Variants in IFT74 observed in about 807,000 individuals in gnomAD.
The protein encoded by IFT74 is intraflagellar transport protein 74 homolog.
In IFT74, 92 loss-of-function variants were observed where a neutral mutation model predicts 96.7. The observed-to-expected ratio is 0.95, with a 90% CI of 0.80 to 1.13. The LOEUF (loss-of-function observed/expected upper bound fraction) is 1.13. Ranked by LOEUF, IFT74 falls within the 50% of genes most tolerant of loss-of-function variation. IFT74 has a pLI of 0.00. For synonymous variants in IFT74, 223 were observed against 213.2 expected (o/e 1.05, Z -0.40); for missense variants, 811 against 698.2 (o/e 1.16, Z -1.82).
At chr9:27,028,921 G>A in intron 12 of IFT74, 104 bp from the exon 13 acceptor site, 1 of 969,166 alleles carries the variant, frequency 1.0e-6, no homozygotes, top group Non-Finnish European at 1.5e-6. Context: ...ATTATTTTTA[G>A]ATATTGTTTA....
chr9:27,045,529 C>T (rs186525565), intron 14 of IFT74, among the ~76,000 whole-genome samples: 2 of 152,032 alleles, frequency 1.3e-5, no homozygotes, highest in Non-Finnish European at 2.9e-5. Context: ...TTTTTTCTAT[C>T]ACCAGCTATA....
At chr9:26,978,642 A>G (rs1421726894) in intron 3 of IFT74, among the ~76,000 whole-genome samples, 1 of 152,196 alleles carries the variant, frequency 6.6e-6, no homozygotes, top group African/African-American at 2.4e-5. Flanking sequence ...TCAAGATTGA[A>G]AATTAGATTT....
chr9:27,030,387 C>G (rs1830064805), intron 13 of IFT74, among the ~76,000 whole-genome samples: 1 of 151,750 alleles, frequency 6.6e-6, no homozygotes, highest in African/African-American at 2.4e-5. Context: ...GCCACTACAT[C>G]CAGCTAAGTT....
At chr9:26,998,275 G>GA (rs745958654) in intron 8 of IFT74, 17 of 1,212,588 alleles carry the variant, frequency 1.4e-5, no homozygotes, top group Admixed American at 3.0e-5. Context: ...GCATTAATCA[G>GA]AAAAAAAATT....
Position 27,049,054 on chromosome 9 carries a change from A to G in IFT74, c.1333+780A>G, listed in dbSNP as rs146122336. 5.4e-4 allele frequency among the ~76,000 whole-genome samples: 82 copies of G among 152,178 alleles called. 1 individual carries two copies. In the East Asian group the frequency reaches 0.015, roughly 29 times the overall value. ...GTTCACGCAAGATCTGGTTGTTTAAAAGAGCCTGGTACCTCCTCCTTCTCT... is the reference window on the plus strand; with the variant it reads ...GTTCACGCAAGATCTGGTTGTTTAAGAGAGCCTGGTACCTCCTCCTTCTCT... On this transcript the variant is annotated intron_variant, in intron 16 of 19. Coordinates refer to ENST00000380062, the MANE Select transcript of IFT74 (RefSeq NM_025103.4).
rs1461717962 is a variant in IFT74 at position 26,984,400 on chromosome 9, A to G, written c.404+45A>G. On this transcript the variant is annotated intron_variant, in intron 5 of 19. Coordinates refer to ENST00000380062, the MANE Select transcript of IFT74 (RefSeq NM_025103.4). ...TATTCATTCAGTATTTTGTGCTTAT[A>G]ATACTAACTTTGTAGCTATCCATAT... 3.2e-6 allele frequency: 5 copies of G among 1,579,214 alleles called. No homozygotes were observed. The South Asian group carries it at 4.6e-5, about 15-fold the overall frequency.
Position 27,048,182 on chromosome 9 carries a change from C to G in IFT74, c.1241C>G (p.Thr414Ser). The G allele has an allele frequency of 6.3e-7, 1 of 1,599,710 alleles. No individual in the cohort carries two copies. The highest frequency in any genetic ancestry group is 2.2e-5 in the East Asian group (1 of 44,606). Reference sequence around the variant, plus strand: ...CGTATAGAACAGATATCCTCTATCACCAATCAAGAGCTAAAGATGATGCAG... The same window carrying G: ...CGTATAGAACAGATATCCTCTATCAGCAATCAAGAGCTAAAGATGATGCAG... ...INRIEQISSI[T>S]NQELKMMQDD... Residue 414 changes from threonine (T) to serine (S), a missense_variant, in exon 16 of 20, where the codon ACC becomes AGC. Physicochemically the swap from Thr to Ser is moderately conservative, Grantham distance 58. Coordinates refer to ENST00000380062, the MANE Select transcript of IFT74 (RefSeq NM_025103.4).
intron 2 of IFT74, among the ~76,000 whole-genome samples, chr9:26,964,285 GT>G (rs200513910): frequency 0.099 from 13,998 of 141,454 alleles, 1,378 homozygotes; most frequent in East Asian, 0.63. Flanking sequence ...GATATACGGC[GT>G]TATTTCTGAG....
chr9:26,961,149 A>T (rs932001698), intron 1 of IFT74, among the ~76,000 whole-genome samples: 1 of 142,834 alleles, frequency 7.0e-6, no homozygotes, highest in African/African-American at 2.7e-5. Context: ...GGAGTGCAGT[A>T]GCGCAATCTC....
chr9:26,989,141 T>C (rs1367095853), intron 7 of IFT74, among the ~76,000 whole-genome samples: 1 of 152,164 alleles, frequency 6.6e-6, no homozygotes, highest in Non-Finnish European at 1.5e-5. Flanking sequence ...ACTCCAGACA[T>C]AAAATATTAA....
At chr9:27,035,122 A>G (rs1243039061) in intron 13 of IFT74, among the ~76,000 whole-genome samples, 1 of 152,246 alleles carries the variant, frequency 6.6e-6, no homozygotes, top group Non-Finnish European at 1.5e-5. Flanking sequence ...ATAGCAGTCA[A>G]TTTAAAATAT....
rs114214002 is a variant in IFT74 at position 26,951,193 on chromosome 9, T to C, written c.-20+4047T>C. 6.7e-3 allele frequency among the ~76,000 whole-genome samples: 1,024 copies of C among 152,322 alleles called. 14 individuals are homozygous for C. Among genetic ancestry groups the C allele is most frequent in the African/African-American group, 0.023 (970 of 41,568 alleles). On this transcript the variant is annotated intron_variant, in intron 1 of 19. Transcript: ENST00000433700. ...TTATGTTCTCAATATGATGTTTTCA[T>C]TAAAATTTAATTTTAAAAGCCCTCA... is the stretch of plus-strand genomic sequence containing the variant.
At chr9:27,058,975 C>T (rs571474298) in intron 18 of IFT74, among the ~76,000 whole-genome samples, 3 of 152,174 alleles carry the variant, frequency 2.0e-5, no homozygotes, top group South Asian at 4.1e-4. Flanking sequence ...AGGTCATTGT[C>T]TTCAGCAATT....
Position 26,990,212 on chromosome 9 carries a change from TA to T in IFT74, c.587+22del. 1 of 1,283,402 alleles carries T rather than the reference TA, an allele frequency of 7.8e-7. No homozygotes were observed. Among genetic ancestry groups the T allele is most frequent in the Non-Finnish European group, 1.0e-6 (1 of 961,302 alleles). The allele number at this position is 1,283,402 out of a possible 1,614,324, so 79.5% of individuals were successfully genotyped here. A position where few individuals can be genotyped will look rare whatever the true frequency, so the allele number is the denominator to read the frequency against. On this transcript the variant is annotated intron_variant, in intron 8 of 19. Transcript: ENST00000380062. The stretch of plus-strand genomic sequence containing the variant: ...AAGACAAGCGTAAGTATAGCTAATT[TA>T]AAAATTAGATTCATAAGTAAGCTTT...
At chr9:27,043,586 G>A (rs1819566745) in intron 13 of IFT74, among the ~76,000 whole-genome samples, 1 of 152,072 alleles carries the variant, frequency 6.6e-6, no homozygotes, top group Non-Finnish European at 1.5e-5. Flanking sequence ...ATTTTTCTAG[G>A]CCTTGGATTT....
chr9:27,045,291 C>T (rs1050608213), intron 14 of IFT74, among the ~76,000 whole-genome samples: 5 of 152,122 alleles, frequency 3.3e-5, no homozygotes, highest in Admixed American at 1.3e-4. Flanking sequence ...ACAGTTTCAT[C>T]CCAAAACCAT....
At chr9:26,957,887 GGGACTACGCCCGCCACCACGCCC>G (rs1384569004) in intron 1 of IFT74, among the ~76,000 whole-genome samples, 2 of 151,604 alleles carry the variant, frequency 1.3e-5, no homozygotes, top group Non-Finnish European at 2.9e-5. Context: ...TCCGCCTCCT[GGGACTACGCCCGCCACCACGCCC>G]GGATAATTTT....
chr9:27,053,497 A>G (rs1820021830), intron 16 of IFT74, among the ~76,000 whole-genome samples: 1 of 152,228 alleles, frequency 6.6e-6, no homozygotes. Context: ...AGACTATCTT[A>G]GAAACACTTC....
At chr9:26,987,337 G>T (rs781333502) in intron 6 of IFT74, among the ~76,000 whole-genome samples, 2 of 151,984 alleles carry the variant, frequency 1.3e-5, no homozygotes, top group African/African-American at 4.8e-5. Flanking sequence ...TGATCCACCC[G>T]CCTCAGCCTC....
Sources: gnomAD v4.1 joint callset for allele counts (sites outside exome capture counted in the v4.1 genomes callset) on GRCh38, gnomAD v4.1.1 for gene constraint, MANE v1.5 for transcripts, NCBI Gene and HGNC (gene_info 2026-07-23, HGNC 2026-07-21) for gene names.